ZNF444: variants seen among roughly 807,000 people sequenced by gnomAD.
ZNF444 encodes the protein endothelial zinc finger protein 2.
ZNF444 carries 8 observed loss-of-function variants against 14.4 expected under a neutral mutation model. The ratio of observed to expected loss-of-function variants is 0.56; its 90% confidence interval spans 0.33 to 1.00. ZNF444 has a LOEUF of 1.00. Among genes scored for constraint, ZNF444 ranks in the 50% least tolerant of loss-of-function variants. ZNF444 has a pLI of 0.03. For synonymous variants in ZNF444, 258 were observed against 235.9 expected (o/e 1.09, Z -0.86); for missense variants, 510 against 504.8 (o/e 1.01, Z -0.10).
rs2032244246 is a variant in ZNF444 at position 56,160,747 on chromosome 19, G to GGGCTCTGAAGCTGAACCCAC, written c.*549_*550insTCTGAAGCTGAACCCACGGC. The GGGCTCTGAAGCTGAACCCAC allele has an allele frequency of 6.5e-6, 1 of 154,104 alleles. No homozygotes were observed. Among genetic ancestry groups the GGGCTCTGAAGCTGAACCCAC allele is most frequent in the African/African-American group, 2.4e-5 (1 of 41,506 alleles). 9.5% of individuals were successfully genotyped at this position (154,104 alleles called of 1,614,324 possible). ...GGTGATGGCTCTGAAGCTGAACCCA[G>GGGCTCTGAAGCTGAACCCAC]GGCCTGGCTGTGGTCTTCTTGGTCT... On this transcript the variant is annotated 3_prime_UTR_variant, in exon 5 of 5. Transcript: ENST00000337080.
chr19:56,133,949 C>G (rs1347756351), intron 1 of ZNF444, among the ~76,000 whole-genome samples: 1 of 152,128 alleles, frequency 6.6e-6, no homozygotes, highest in African/African-American at 2.4e-5. Flanking sequence ...CTTTCTCAAA[C>G]GTTTCCTGTT....
At chr19:56,152,328 T>C (rs1378842630) in intron 3 of ZNF444, among the ~76,000 whole-genome samples, 2 of 138,996 alleles carry the variant, frequency 1.4e-5, no homozygotes, top group African/African-American at 5.7e-5. Flanking sequence ...TGAGACTCTG[T>C]CTCAAAAAAA....
exon 1 of ZNF444, chr19:56,132,628 G>C (rs571061159): frequency 6.6e-6 from 1 of 152,354 alleles, no homozygotes; most frequent in Non-Finnish European, 1.5e-5. Context: ...CAACCGGAGA[G>C]ATTTCTCTCC....
chr19:56,152,746 G>C (rs1361385890), intron 3 of ZNF444, among the ~76,000 whole-genome samples: 2 of 152,154 alleles, frequency 1.3e-5, no homozygotes, highest in African/African-American at 4.8e-5. Flanking sequence ...CTGGTTCACA[G>C]ATGGTGGCTT....
At chr19:56,134,813 TA>T (rs144406728) in intron 1 of ZNF444, among the ~76,000 whole-genome samples, 502 of 142,518 alleles carry the variant, frequency 3.5e-3, no homozygotes, top group Non-Finnish European at 3.2e-3. Context: ...GCCCTGTGTT[TA>T]AAAAAAAAAA....
rs2031022482 is a variant in ZNF444, at chr19:56,144,257, C to A, written c.-196-1990C>A. Among the ~76,000 whole-genome samples the A allele has an allele frequency of 1.3e-5, 2 of 151,570 alleles. No homozygotes were observed. The highest frequency in any genetic ancestry group is 4.9e-5 in the African/African-American group (2 of 41,156). On this transcript the variant is annotated intron_variant, in intron 1 of 4. Coordinates refer to ENST00000337080, the MANE Select transcript of ZNF444 (RefSeq NM_018337.4). The surrounding 1 kb of genome is among the most constrained non-coding windows in gnomAD (Gnocchi z 4.0). The stretch of plus-strand genomic sequence containing the variant: ...CCAGGAGGTCGGGGCTGCAATGAGC[C>A]GAGAGGTCATGCCACCGCTCCAGCC...
intron 1 of ZNF444, among the ~76,000 whole-genome samples, chr19:56,132,935 CTT>C (rs61365745): frequency 3.2e-5 from 3 of 94,262 alleles, no homozygotes; most frequent in East Asian, 3.3e-4. Context: ...TTCTTTCTTT[CTT>C]TTTTTTTTTT....
rs777630031 is a variant in ZNF444, at chr19:56,159,826, C to T, written c.609C>T (p.Gly203=). 7.0e-6 allele frequency: 11 copies of T among 1,572,816 alleles called. No individual in the cohort carries two copies. The highest frequency in any genetic ancestry group is 4.6e-5 in the East Asian group (2 of 43,116). ...TGCGCCACCGGCAGAGCCACTCGGG[C>T]GAGAAGCCGCACGCCTGCCCTGAGT... ...HLLRHRQSHS[G]EKPHACPECG... is the part of the protein sequence containing the mutation. The change falls in exon 5 of 5, where the codon GGC becomes GGT. Residue 203 remains glycine (G), a synonymous_variant. Coordinates refer to ENST00000337080, the MANE Select transcript of ZNF444 (RefSeq NM_018337.4).
chr19:56,152,314 AGAGT>A (rs1470735647), intron 3 of ZNF444, among the ~76,000 whole-genome samples: 1 of 149,584 alleles, frequency 6.7e-6, no homozygotes, highest in East Asian at 2.0e-4. Flanking sequence ...CCTGGGCGAC[AGAGT>A]GAGACTCTGT....
At position 56,158,484 on chromosome 19, in the gene ZNF444, C is replaced by G. The variant is rs780668602; in HGVS notation, c.298-10C>G. 46 of 1,598,698 alleles carry G rather than the reference C, an allele frequency of 2.9e-5. No homozygotes were observed. In the Middle Eastern group the frequency reaches 5.0e-4, roughly 17 times the overall value. On this transcript the variant is annotated splice_polypyrimidine_tract_variant and intron_variant, in intron 3 of 4. Transcript: ENST00000337080. ...AGGTTTCTGAGTTCAAAACTGTGCT[C>G]TCATTTCAGGGGCCAGCAGCCTCCC... is the stretch of plus-strand genomic sequence containing the variant.
In ZNF444 at chr19:56,160,482, CT is replaced by C; in HGVS notation, c.*283del. 2.4e-6 allele frequency: 1 copy of C among 408,940 alleles called. No individual in the cohort carries two copies. Among genetic ancestry groups the C allele is most frequent in the Non-Finnish European group, 4.3e-6 (1 of 231,054 alleles). The allele number at this position is 408,940 out of a possible 1,614,324, so 25.3% of individuals were successfully genotyped here. On this transcript the variant is annotated 3_prime_UTR_variant, in exon 5 of 5. Transcript: ENST00000337080. ...AGGGGCCTCTCCCTAATGTCTCCTC[CT>C]TCCCCCCTCTTCTCTCTCCTGCGGC...
intron 3 of ZNF444, among the ~76,000 whole-genome samples, chr19:56,153,589 C>G (rs1489841010): frequency 6.6e-6 from 1 of 152,112 alleles, no homozygotes; most frequent in Non-Finnish European, 1.5e-5. Flanking sequence ...TCTGATCTGT[C>G]CAGAAAGATC....
chr19:56,138,997 A>G (rs924271764), upstream of ZNF444, among the ~76,000 whole-genome samples: 2 of 151,694 alleles, frequency 1.3e-5, no homozygotes, highest in Admixed American at 6.6e-5. Context: ...GGGTTTCACC[A>G]TGTTGGCCAG....
chr19:56,143,076 T>G (rs2030934811), intron 1 of ZNF444, among the ~76,000 whole-genome samples: 1 of 152,184 alleles, frequency 6.6e-6, no homozygotes, highest in Admixed American at 6.5e-5. Flanking sequence ...TGGACTGTGC[T>G]TTGCGGACAC....
At chr19:56,148,593 C>A (rs573080373) in intron 3 of ZNF444, among the ~76,000 whole-genome samples, 7 of 152,260 alleles carry the variant, frequency 4.6e-5, no homozygotes, top group Admixed American at 2.6e-4. Context: ...ACACTCCCCC[C>A]TCTTATTGTC....
At chr19:56,143,692 G>A (rs2030981786) in intron 1 of ZNF444, 3 of 152,276 alleles carry the variant, frequency 2.0e-5, no homozygotes, top group Admixed American at 6.5e-5. Flanking sequence ...TAGCCAGAAT[G>A]CTGGGGTTGG....
chr19:56,138,472 G>GA (rs999091706), upstream of ZNF444, among the ~76,000 whole-genome samples: 48 of 145,568 alleles, frequency 3.3e-4, no homozygotes, highest in African/African-American at 6.5e-4. Context: ...ACAAAAAAAA[G>GA]AAAAAAAAAA....
upstream of ZNF444, among the ~76,000 whole-genome samples, chr19:56,139,982 C>G (rs1323339962): frequency 1.3e-5 from 2 of 152,166 alleles, no homozygotes; most frequent in Non-Finnish European, 2.9e-5. Context: ...GGAGGCATGA[C>G]TGGAACTCAT....
Position 56,146,960 on chromosome 19 carries a change from G to A in ZNF444, c.49G>A (p.Asp17Asn). The A allele has an allele frequency of 6.9e-7, 1 of 1,446,962 alleles. No homozygotes were observed. The highest frequency in any genetic ancestry group is 9.0e-7 in the Non-Finnish European group (1 of 1,109,874). 89.6% of individuals were successfully genotyped at this position (1,446,962 alleles called of 1,614,324 possible). ...GCAGGAGGCCGAGGGCCTGGCGCTG[G>A]ACTCCCCGTGGCACCGCTTCCGCCG... ...VKQEAEGLAL[D>N]SPWHRFRRFH... Residue 17 changes from aspartate to asparagine, a missense_variant, in exon 3 of 5, where the codon GAC becomes AAC. Transcript: ENST00000337080.
Sources: allele counts gnomAD v4.1 joint callset (sites outside exome capture counted in the v4.1 genomes callset), GRCh38; gene constraint gnomAD v4.1.1; non-coding constraint Gnocchi (gnomAD v3.1); transcripts MANE v1.5; gene names NCBI Gene and HGNC (gene_info 2026-07-23, HGNC 2026-07-21).